ATXN7L1: variants seen among roughly 807,000 people sequenced by gnomAD.
The protein encoded by ATXN7L1 is ataxin-7-like protein 1.
ATXN7L1 carries 15 observed loss-of-function variants against 70.8 expected under a neutral mutation model. The observed-to-expected ratio is 0.21, with a 90% CI of 0.14 to 0.33. The LOEUF (loss-of-function observed/expected upper bound fraction) is 0.33. Among genes scored for constraint, ATXN7L1 ranks in the 10% least tolerant of loss-of-function variants. ATXN7L1 has a pLI of 1.00. For synonymous variants in ATXN7L1, 440 were observed against 445.1 expected (o/e 0.99, Z 0.14); for missense variants, 975 against 1,097.1 (o/e 0.89, Z 1.57).
chr7:105,688,696 A>G (rs1006050881), intron 3 of ATXN7L1, among the ~76,000 whole-genome samples: 4 of 152,254 alleles, frequency 2.6e-5, no homozygotes, highest in African/African-American at 9.6e-5. Context: ...CAAAAGCCCA[A>G]GAACCCATGG....
intron 2 of ATXN7L1, among the ~76,000 whole-genome samples, chr7:105,805,839 G>A (rs965151929): frequency 1.3e-5 from 2 of 152,174 alleles, no homozygotes; most frequent in Non-Finnish European, 2.9e-5. Context: ...AATATAGCAG[G>A]GAATGAGGAT....
At chr7:105,859,202 G>T (rs983714367) in intron 2 of ATXN7L1, among the ~76,000 whole-genome samples, 1 of 152,024 alleles carries the variant, frequency 6.6e-6, no homozygotes, top group Admixed American at 6.6e-5. Flanking sequence ...GTATTTAGGG[G>T]TGTCATGCTG....
At chr7:105,751,254 T>C (rs913826418) in intron 3 of ATXN7L1, among the ~76,000 whole-genome samples, 3 of 152,048 alleles carry the variant, frequency 2.0e-5, no homozygotes, top group Admixed American at 2.0e-4. Context: ...AAACTCTCAA[T>C]GGAGTTATGC....
intron 3 of ATXN7L1, among the ~76,000 whole-genome samples, chr7:105,705,735 C>T (rs564726686): frequency 1.3e-5 from 2 of 152,282 alleles, no homozygotes; most frequent in South Asian, 2.1e-4. Context: ...TGTTCTTCAC[C>T]TTGGTTAACT....
rs866450928 is a variant in ATXN7L1 at position 105,869,655 on chromosome 7, C to T, written c.250+6157G>A. Among the ~76,000 whole-genome samples the T allele has an allele frequency of 4.6e-5, 7 of 152,214 alleles. No homozygotes were observed. The South Asian group carries it at 1.2e-3, about 27-fold the overall frequency. On this transcript the variant is annotated intron_variant, in intron 2 of 11. Transcript: ENST00000419735. ...CTCTTATAGTCACAGCAATATCTTACTGGCCCCAGCACAATTTTCAAATTG... is the reference window on the plus strand; with the variant it reads ...CTCTTATAGTCACAGCAATATCTTATTGGCCCCAGCACAATTTTCAAATTG...
chr7:105,618,334 G>A (rs1794231796), intron 9 of ATXN7L1, among the ~76,000 whole-genome samples: 1 of 152,184 alleles, frequency 6.6e-6, no homozygotes, highest in South Asian at 2.1e-4. Context: ...GTTTGGAATG[G>A]ACACAAGTAA....
intron 2 of ATXN7L1, among the ~76,000 whole-genome samples, chr7:105,867,343 A>C (rs553958649): frequency 6.6e-6 from 1 of 152,358 alleles, no homozygotes; most frequent in East Asian, 1.9e-4. Context: ...CTTTAAATAT[A>C]AACTGAAATC....
At chr7:105,657,969 G>A (rs1358730585) in intron 4 of ATXN7L1, among the ~76,000 whole-genome samples, 3 of 152,094 alleles carry the variant, frequency 2.0e-5, no homozygotes, top group African/African-American at 7.2e-5. Context: ...TGCTGTAAGT[G>A]TAATAAAACA....
chr7:105,703,559 C>T (rs1401952303), intron 3 of ATXN7L1, among the ~76,000 whole-genome samples: 1 of 152,218 alleles, frequency 6.6e-6, no homozygotes, highest in Non-Finnish European at 1.5e-5. Context: ...AGTATAATCA[C>T]TGCTAGAAAC....
At chr7:105,855,387 C>G (rs964083570) in intron 2 of ATXN7L1, among the ~76,000 whole-genome samples, 8 of 152,226 alleles carry the variant, frequency 5.3e-5, no homozygotes, top group Non-Finnish European at 1.0e-4. Flanking sequence ...ATGGGCCACA[C>G]GTTGCTTAAT....
In ATXN7L1 at chr7:105,728,688, G is replaced by A. The variant is rs609436; in HGVS notation, c.355+59916C>T. ...TTCTAGTATCATTCTCCTATAAAAG[G>A]TGCCAGGACTCCCTGGAGAAATGGC... On this transcript the variant is annotated intron_variant, in intron 3 of 11. Transcript: ENST00000419735. 2.1e-3 allele frequency among the ~76,000 whole-genome samples: 316 copies of A among 152,216 alleles called. 1 individual carries two copies. The highest frequency in any genetic ancestry group is 7.0e-3 in the African/African-American group (289 of 41,518).
intron 3 of ATXN7L1, among the ~76,000 whole-genome samples, chr7:105,667,344 C>T (rs1318470948): frequency 4.6e-5 from 7 of 152,112 alleles, no homozygotes; most frequent in African/African-American, 1.7e-4. Context: ...GAATAAAATT[C>T]GAAGCCAGGA....
chr7:105,837,965 G>A (rs1312964413), intron 2 of ATXN7L1, among the ~76,000 whole-genome samples: 1 of 152,170 alleles, frequency 6.6e-6, no homozygotes, highest in African/African-American at 2.4e-5. Context: ...CACAGGAAAT[G>A]TTTTGCAAAG....
intron 2 of ATXN7L1, among the ~76,000 whole-genome samples, chr7:105,849,129 T>C (rs1199896207): frequency 2.6e-5 from 4 of 152,200 alleles, no homozygotes; most frequent in Non-Finnish European, 5.9e-5. Context: ...CACCACCCTA[T>C]TATTAGTCCA....
At chr7:105,622,243 G>A (rs1353291745) in intron 8 of ATXN7L1, among the ~76,000 whole-genome samples, 2 of 152,188 alleles carry the variant, frequency 1.3e-5, no homozygotes, top group African/African-American at 2.4e-5. Flanking sequence ...GCCACATCCC[G>A]AGTTTAGCGA....
rs77624654 is a variant in ATXN7L1 at position 105,864,300 on chromosome 7, C to CAA, written c.250+11510_250+11511dup. ...GCAAGACCTTGTCTCTACTAAAAGT[C>CAA]AAAAAAAATTAGGCAGGCATGGCAG... On this transcript the variant is annotated intron_variant, in intron 2 of 11. Coordinates refer to ENST00000419735, the MANE Select transcript of ATXN7L1 (RefSeq NM_020725.2). 1.7e-4 allele frequency among the ~76,000 whole-genome samples: 26 copies of CAA among 150,036 alleles called. No homozygotes were observed. The South Asian group carries it at 3.6e-3, about 21-fold the overall frequency.
At chr7:105,805,529 C>A (rs1019786995) in intron 2 of ATXN7L1, among the ~76,000 whole-genome samples, 1 of 152,116 alleles carries the variant, frequency 6.6e-6, no homozygotes. Context: ...CACTGGGGTA[C>A]AGAGAAATGA....
chr7:105,749,590 C>T (rs1413957049), intron 3 of ATXN7L1, among the ~76,000 whole-genome samples: 1 of 150,442 alleles, frequency 6.6e-6, no homozygotes, highest in Non-Finnish European at 1.5e-5. Context: ...AGCCACTGTC[C>T]TCCAGCCTGG....
chr7:105,716,360 C>A (rs1794546744), intron 3 of ATXN7L1, among the ~76,000 whole-genome samples: 1 of 152,054 alleles, frequency 6.6e-6, no homozygotes, highest in African/African-American at 2.4e-5. Flanking sequence ...GAGCAGACCT[C>A]ATCTTCTCAT....
Sources: gnomAD v4.1 joint callset for allele counts (sites outside exome capture counted in the v4.1 genomes callset) on GRCh38, gnomAD v4.1.1 for gene constraint, MANE v1.5 for transcripts, NCBI Gene and HGNC (gene_info 2026-07-23, HGNC 2026-07-21) for gene names.